Variants in SLC44A5 observed in about 807,000 individuals in gnomAD.
SLC44A5 encodes choline transporter-like protein 5.
In SLC44A5, 57 loss-of-function variants were observed where a neutral mutation model predicts 101.8. The ratio of observed to expected loss-of-function variants is 0.56; its 90% confidence interval spans 0.45 to 0.70. SLC44A5 has a LOEUF of 0.70. SLC44A5 is among the 30% of genes least tolerant of loss of function. The pLI, the probability that SLC44A5 is intolerant of heterozygous loss-of-function variation, is 0.00. For missense variants in SLC44A5, 737 were observed against 853.1 expected, an observed-to-expected ratio of 0.86 and a Z score of 1.70; for synonymous variants, 281 against 290.9, an observed-to-expected ratio of 0.97 and a Z score of 0.35.
At chr1:75,280,274 TAA>T (rs1491394130) in intron 5 of SLC44A5, among the ~76,000 whole-genome samples, 1 of 5,690 alleles carries the variant, frequency 1.8e-4, no homozygotes, top group Non-Finnish European at 6.8e-4. Context: ...ATTGTATATA[TAA>T]TATATATTGT....
chr1:75,616,627 C>A, the SLC44A5 span, among the ~76,000 whole-genome samples: 1 of 152,320 alleles, frequency 6.6e-6, no homozygotes, highest in Middle Eastern at 3.4e-3. Flanking sequence ...AGCCCGAATT[C>A]CACGCGGGCG....
chr1:75,345,293 C>T (rs1658167394), intron 3 of SLC44A5, among the ~76,000 whole-genome samples: 1 of 150,612 alleles, frequency 6.6e-6, no homozygotes, highest in South Asian at 2.1e-4. Context: ...TGAATAAAAA[C>T]TGGGTATCAA....
the SLC44A5 span, among the ~76,000 whole-genome samples, chr1:75,697,471 G>T: frequency 6.6e-6 from 1 of 152,162 alleles, no homozygotes; most frequent in African/African-American, 2.4e-5. Flanking sequence ...TTCTAAGCTT[G>T]TGCACAAAGT....
intron 1 of SLC44A5, among the ~76,000 whole-genome samples, chr1:75,561,718 T>A (rs1193048841): frequency 6.6e-6 from 1 of 152,182 alleles, no homozygotes; most frequent in Non-Finnish European, 1.5e-5. Context: ...GTTTGCAGAA[T>A]AAGAGTTGGC....
chr1:75,635,531 T>A, the SLC44A5 span, among the ~76,000 whole-genome samples: 1 of 151,000 alleles, frequency 6.6e-6, no homozygotes, highest in Non-Finnish European at 1.5e-5. Context: ...AAATTGGAAA[T>A]CATTCTCAGT....
chr1:75,372,866 A>C (rs1660322259), intron 3 of SLC44A5, among the ~76,000 whole-genome samples: 1 of 152,224 alleles, frequency 6.6e-6, no homozygotes, highest in Non-Finnish European at 1.5e-5. Context: ...ACTAAATCAA[A>C]TCTTTGTTTT....
At chr1:75,219,611 C>T (rs1647034610) in intron 15 of SLC44A5, among the ~76,000 whole-genome samples, 189 bp downstream of exon 15, 1 of 152,074 alleles carries the variant, frequency 6.6e-6, no homozygotes, top group Admixed American at 6.6e-5. Flanking sequence ...TAAAACAAAT[C>T]TACAATATGA....
At chr1:75,233,926 G>T in intron 12 of SLC44A5, 60 bp downstream of exon 12, 1 of 1,240,296 alleles carries the variant, frequency 8.1e-7, no homozygotes, top group Non-Finnish European at 1.2e-6. Context: ...ACTGATAACA[G>T]CGATTGAAAA....
At chr1:75,437,444 T>A (rs61798713) in intron 2 of SLC44A5, among the ~76,000 whole-genome samples, 8 of 152,140 alleles carry the variant, frequency 5.3e-5, no homozygotes, top group Non-Finnish European at 1.0e-4. Flanking sequence ...ACTTTTCATA[T>A]AAAGAATGAG....
At chr1:75,546,030 C>T (rs1326324421) in intron 1 of SLC44A5, among the ~76,000 whole-genome samples, 1 of 151,918 alleles carries the variant, frequency 6.6e-6, no homozygotes, top group Non-Finnish European at 1.5e-5. Flanking sequence ...CTATGTTACC[C>T]AAGATGGTCT....
chr1:75,633,969 T>C, the SLC44A5 span, among the ~76,000 whole-genome samples: 6,647 of 152,144 alleles, frequency 0.044, 204 homozygotes, highest in African/African-American at 0.091. Flanking sequence ...TCTGCATCTA[T>C]TGAGATAATC....
intron 2 of SLC44A5, among the ~76,000 whole-genome samples, chr1:75,465,344 A>G (rs1288279251): frequency 1.3e-5 from 2 of 152,130 alleles, no homozygotes. Flanking sequence ...GAACACTGAA[A>G]ATTTCTTGAA....
At chr1:75,717,735 T>C in the SLC44A5 span, among the ~76,000 whole-genome samples, 24 of 152,190 alleles carry the variant, frequency 1.6e-4, no homozygotes, top group Non-Finnish European at 1.3e-4. Flanking sequence ...TATTAAGAAA[T>C]GGAATGAATA....
Position 75,380,948 on chromosome 1 carries a change from G to A in SLC44A5, c.52+15635C>T, listed in dbSNP as rs1331142368. 4.8e-5 allele frequency among the ~76,000 whole-genome samples: 4 copies of A among 82,900 alleles called. 1 individual carries two copies. The highest frequency in any genetic ancestry group is 2.4e-4 in the Admixed American group (2 of 8,464). The allele number at this position is 82,900 out of a possible 152,430, so 54.4% of individuals were successfully genotyped here. A position where few individuals can be genotyped will look rare whatever the true frequency, so the allele number is the denominator to read the frequency against. Reference sequence around the variant, plus strand: ...ATTTGCCTAGGGAGAGCACCAGGATGTTTAATGGCTGCAGTCCAAAATTGG... The same window carrying A: ...ATTTGCCTAGGGAGAGCACCAGGATATTTAATGGCTGCAGTCCAAAATTGG... On this transcript the variant is annotated intron_variant, in intron 3 of 23. Coordinates refer to ENST00000370859, the MANE Select transcript of SLC44A5 (RefSeq NM_001130058.2).
chr1:75,235,385 T>C (rs543398888), intron 11 of SLC44A5, among the ~76,000 whole-genome samples: 2 of 152,108 alleles, frequency 1.3e-5, no homozygotes, highest in Non-Finnish European at 1.5e-5. Flanking sequence ...GAGGGTTTCA[T>C]TGTGTGTTTT....
the SLC44A5 span, among the ~76,000 whole-genome samples, chr1:75,652,807 A>G: frequency 6.6e-6 from 1 of 152,146 alleles, no homozygotes; most frequent in African/African-American, 2.4e-5. Context: ...AAAAAGAACA[A>G]AAACAAAAAA....
chr1:75,361,524 T>C (rs1452547926), intron 3 of SLC44A5, among the ~76,000 whole-genome samples: 1 of 152,086 alleles, frequency 6.6e-6, no homozygotes, highest in Non-Finnish European at 1.5e-5. Flanking sequence ...ACATTTCCTC[T>C]ATACCTAATC....
intron 3 of SLC44A5, among the ~76,000 whole-genome samples, chr1:75,370,618 T>C (rs1167631977): frequency 6.6e-6 from 1 of 152,190 alleles, no homozygotes; most frequent in African/African-American, 2.4e-5. Flanking sequence ...AGAGCATTCC[T>C]AGCAGATATT....
rs574443664 is a variant in SLC44A5, at chr1:75,281,345, T to C, written c.176-6303A>G. On this transcript the variant is annotated intron_variant, in intron 5 of 23. Transcript: ENST00000370859. ...GGAACTTTGAACTTGAGAGAGATGA[T>C]TTAGGGTATCTGGTGGAAGAAATTT... 5.1e-4 allele frequency among the ~76,000 whole-genome samples: 78 copies of C among 152,038 alleles called. 1 individual carries two copies. Among genetic ancestry groups the C allele is most frequent in the African/African-American group, 1.9e-3 (77 of 41,476 alleles).
Sources: allele counts gnomAD v4.1 joint callset (sites outside exome capture counted in the v4.1 genomes callset), GRCh38; gene constraint gnomAD v4.1.1; transcripts MANE v1.5; gene names NCBI Gene and HGNC (gene_info 2026-07-23, HGNC 2026-07-21).